The following INPP5D variants were observed in gnomAD, a reference collection of about 807,000 sequenced individuals.
The protein encoded by INPP5D is phosphatidylinositol 3,4,5-trisphosphate 5-phosphatase 1.
INPP5D carries 33 observed loss-of-function variants against 122.9 expected under a neutral mutation model. That is an observed-to-expected ratio of 0.27 (90% CI 0.20 to 0.36). INPP5D has a LOEUF of 0.36. INPP5D is among the 10% of genes least tolerant of loss of function. The pLI, the probability that INPP5D is intolerant of heterozygous loss-of-function variation, is 1.00. For synonymous variants in INPP5D, 584 were observed against 576.2 expected (o/e 1.01, Z -0.19); for missense variants, 1,053 against 1,412.7 (o/e 0.75, Z 4.08).
intron 2 of INPP5D, among the ~76,000 whole-genome samples, chr2:233,110,185 G>A (rs1692581561): frequency 6.6e-6 from 1 of 151,700 alleles, no homozygotes; most frequent in African/African-American, 2.4e-5. Flanking sequence ...CTGAGTAGCT[G>A]GGATTACAGG....
In INPP5D at chr2:233,128,918, C is replaced by T. The variant is rs975937422; in HGVS notation, c.525-1590C>T. On this transcript the variant is annotated intron_variant, in intron 4 of 26. Coordinates refer to ENST00000445964, the MANE Select transcript of INPP5D (RefSeq NM_001017915.3). The surrounding 1 kb of genome is among the most constrained non-coding windows in gnomAD (Gnocchi z 4.5). ...TAAGGCGGCTGGGCAGGGTGGTTCA[C>T]ACCTGTTATCCCAGCACTTTGGGAG... Among the ~76,000 whole-genome samples the T allele has an allele frequency of 7.2e-5, 11 of 152,184 alleles. No individual in the cohort carries two copies. The highest frequency in any genetic ancestry group is 1.9e-4 in the East Asian group (1 of 5,184).
intron 22 of INPP5D, among the ~76,000 whole-genome samples, chr2:233,190,410 C>T (rs998031917): frequency 6.6e-6 from 1 of 152,202 alleles, no homozygotes; most frequent in African/African-American, 2.4e-5. Flanking sequence ...CCTCTGCTGA[C>T]CCAGTCTCTA....
rs532775561 is a variant in INPP5D at position 233,078,874 on chromosome 2, G to T, written c.135-461G>T. On this transcript the variant is annotated intron_variant, in intron 1 of 26. Coordinates refer to ENST00000445964, the MANE Select transcript of INPP5D (RefSeq NM_001017915.3). The surrounding 1 kb of genome is among the most constrained non-coding windows in gnomAD (Gnocchi z 4.6). ...ATTTTTGTATTTTTAGTAGAGATGG[G>T]ATTTCACCATGTTGGCCAGGATGGT... Among the ~76,000 whole-genome samples, 6 of 152,072 alleles carry T rather than the reference G, an allele frequency of 3.9e-5. No individual in the cohort carries two copies. The highest frequency in any genetic ancestry group is 1.4e-4 in the African/African-American group (6 of 41,478).
At position 233,082,579 on chromosome 2, in the gene INPP5D, G is replaced by T. The variant is rs925956013; in HGVS notation, c.198+3181G>T. Reference sequence around the variant, plus strand: ...TTTAGCTCTTTTCCTGGGGACTTCTGTTCTCTTGTCAACACCAAAGATCTC... The same window carrying T: ...TTTAGCTCTTTTCCTGGGGACTTCTTTTCTCTTGTCAACACCAAAGATCTC... On this transcript the variant is annotated intron_variant, in intron 2 of 26. Coordinates refer to ENST00000445964, the MANE Select transcript of INPP5D (RefSeq NM_001017915.3). The surrounding 1 kb of genome is among the most constrained non-coding windows in gnomAD (Gnocchi z 4.7). Among the ~76,000 whole-genome samples the T allele has an allele frequency of 1.3e-5, 2 of 152,142 alleles. No homozygotes were observed. The highest frequency in any genetic ancestry group is 6.5e-5 in the Admixed American group (1 of 15,272).
At position 233,082,443 on chromosome 2, in the gene INPP5D, CTGAG is replaced by C. The variant is rs1691716170; in HGVS notation, c.198+3046_198+3049del. Among the ~76,000 whole-genome samples, 1 of 152,200 alleles carries C rather than the reference CTGAG, an allele frequency of 6.6e-6. No individual in the cohort carries two copies. Among genetic ancestry groups the C allele is most frequent in the African/African-American group, 2.4e-5 (1 of 41,444 alleles). On this transcript the variant is annotated intron_variant, in intron 2 of 26. Coordinates refer to ENST00000445964, the MANE Select transcript of INPP5D (RefSeq NM_001017915.3). The surrounding 1 kb of genome is among the most constrained non-coding windows in gnomAD (Gnocchi z 4.7). ...TTTCTAAATAACTCATTCCTGACAC[CTGAG>C]CCTGTTCAGTGCCACCAGAATACGA...
intron 19 of INPP5D, 146 bp downstream of exon 19, chr2:233,182,645 T>C (rs1012048301): frequency 5.4e-5 from 70 of 1,305,286 alleles, no homozygotes; most frequent in Non-Finnish European, 6.8e-5. Context: ...TTTCTTCATG[T>C]CCCAGCCACA....
rs760787273 is a variant in INPP5D, at chr2:233,198,272, G to A, written c.2871G>A (p.Arg957=). ...AGGACTCCCCGCTGGGGCCCTGCAG[G>A]GGAGAAAGTCCTCCGACACCTCCCG... ...PPKDSPLGPC[R]GESPPTPPGQ... Residue 957 remains arginine (R), a synonymous_variant, in exon 25 of 27, where the codon AGG becomes AGA. Transcript: ENST00000445964. 10 of 1,613,394 alleles carry A rather than the reference G, an allele frequency of 6.2e-6. No individual in the cohort carries two copies. In the Admixed American group the frequency reaches 8.3e-5, roughly 13 times the overall value.
At chr2:233,171,564 G>A (rs1047940220) in intron 17 of INPP5D, among the ~76,000 whole-genome samples, 2 of 152,200 alleles carry the variant, frequency 1.3e-5, no homozygotes, top group Non-Finnish European at 2.9e-5. Flanking sequence ...TCTCCATGAG[G>A]AAATCTGTAT....
At chr2:233,126,616 T>C (rs1357352073) in intron 4 of INPP5D, among the ~76,000 whole-genome samples, 1 of 152,162 alleles carries the variant, frequency 6.6e-6, no homozygotes, top group African/African-American at 2.4e-5. Context: ...AAATAACAGA[T>C]GCTTTGAAAG....
At position 233,078,456 on chromosome 2, in the gene INPP5D, T is replaced by C. The variant is rs962022605; in HGVS notation, c.135-879T>C. 6.6e-6 allele frequency among the ~76,000 whole-genome samples: 1 copy of C among 152,174 alleles called. No individual in the cohort carries two copies. Among genetic ancestry groups the C allele is most frequent in the African/African-American group, 2.4e-5 (1 of 41,438 alleles). On this transcript the variant is annotated intron_variant, in intron 1 of 26. Coordinates refer to ENST00000445964, the MANE Select transcript of INPP5D (RefSeq NM_001017915.3). This position sits in a 1 kb window ranked among gnomAD's most constrained non-coding sequence, Gnocchi z 4.6. ...CAAATCCAGGTCTCGGCAAGGCTGG[T>C]GGCCAACCCCTGGGAGATAATCCAC...
intron 13 of INPP5D, among the ~76,000 whole-genome samples, chr2:233,166,342 C>G (rs774662463): frequency 5.9e-5 from 9 of 152,248 alleles, no homozygotes; most frequent in Non-Finnish European, 1.2e-4. Flanking sequence ...AGCTTCTGAG[C>G]AGGCAGGAGC....
intron 2 of INPP5D, among the ~76,000 whole-genome samples, chr2:233,099,636 T>C (rs1207196992): frequency 6.6e-6 from 1 of 152,246 alleles, no homozygotes; most frequent in Non-Finnish European, 1.5e-5. Context: ...AGTGTTCTGT[T>C]CACCCAACCC....
At chr2:233,151,895 G>A (rs1693934286) in intron 9 of INPP5D, among the ~76,000 whole-genome samples, 1 of 152,228 alleles carries the variant, frequency 6.6e-6, no homozygotes, top group Admixed American at 6.5e-5. Flanking sequence ...ATGAATGAGA[G>A]AATGAAGGCA....
intron 18 of INPP5D, 69 bp from the exon 19 acceptor site, chr2:233,182,341 G>A (rs917699910): frequency 1.3e-6 from 2 of 1,598,250 alleles, no homozygotes; most frequent in Non-Finnish European, 1.7e-6. Context: ...CTGCTTTAGG[G>A]TTGCCATCCT....
intron 2 of INPP5D, among the ~76,000 whole-genome samples, chr2:233,099,185 A>G (rs905219076): frequency 6.6e-6 from 1 of 152,178 alleles, no homozygotes; most frequent in Non-Finnish European, 1.5e-5. Flanking sequence ...TCCTGACCTC[A>G]GGTGATTCAC....
chr2:233,157,289 A>G (rs1694079544), intron 9 of INPP5D, among the ~76,000 whole-genome samples: 1 of 152,168 alleles, frequency 6.6e-6, no homozygotes, highest in African/African-American at 2.4e-5. Context: ...CCCCAAGGTA[A>G]AGGCTGTGCC....
Position 233,139,908 on chromosome 2 carries a change from G to A in INPP5D, c.732G>A (p.Pro244=), listed in dbSNP as rs895451526. 2.0e-5 allele frequency: 8 copies of A among 398,632 alleles called. No homozygotes were observed. Among genetic ancestry groups the A allele is most frequent in the African/African-American group, 4.1e-5 (2 of 48,598 alleles). The allele number at this position is 398,632 out of a possible 1,614,324, so 24.7% of individuals were successfully genotyped here. The change falls in exon 6 of 27, where the codon CCG becomes CCA. Residue 244 remains proline (P), a synonymous_variant. Transcript: ENST00000445964. ...LQRLFDQQLS[P]GLRPRPQVPG... ...GGTTATTTGACCAGCAGCTCTCCCC[G>A]GGCCTCCGTCCACGTCCTCAGGTAA...
At chr2:233,132,409 A>G (rs775576943) in intron 5 of INPP5D, among the ~76,000 whole-genome samples, 5 of 151,954 alleles carry the variant, frequency 3.3e-5, no homozygotes, top group African/African-American at 9.7e-5. Flanking sequence ...AGCTTCCCCA[A>G]CTTGTCTTCT....
intron 18 of INPP5D, among the ~76,000 whole-genome samples, chr2:233,181,143 C>G (rs550606327): frequency 7.2e-5 from 11 of 152,332 alleles, no homozygotes; most frequent in East Asian, 1.9e-4. Context: ...TCTCCTGTCC[C>G]TTTCTCTGTT....
Sources: allele counts gnomAD v4.1 joint callset (sites outside exome capture counted in the v4.1 genomes callset), GRCh38; gene constraint gnomAD v4.1.1; non-coding constraint Gnocchi (gnomAD v3.1); transcripts MANE v1.5; gene names NCBI Gene and HGNC (gene_info 2026-07-23, HGNC 2026-07-21).